Variants in POU6F2 observed in about 807,000 individuals in gnomAD.
The protein encoded by POU6F2 is POU class 6 homeobox 2.
In POU6F2, 31 loss-of-function variants were observed where a neutral mutation model predicts 71.3. The ratio of observed to expected loss-of-function variants is 0.43; its 90% CI spans 0.33 to 0.59. The LOEUF (loss-of-function observed/expected upper bound fraction) is 0.59. POU6F2 is among the 20% of genes least tolerant of loss of function. The pLI, the probability that POU6F2 is intolerant of heterozygous loss-of-function variation, is 0.04. For synonymous variants in POU6F2, 347 were observed against 355.7 expected (o/e 0.98, Z 0.27); for missense variants, 783 against 856.8 (o/e 0.91, Z 1.07).
At chr7:39,124,087 C>T (rs1490547700) in intron 2 of POU6F2, among the ~76,000 whole-genome samples, 1 of 140,878 alleles carries the variant, frequency 7.1e-6, no homozygotes, top group Admixed American at 7.5e-5. Flanking sequence ...TGCTCTGTCA[C>T]CCCGGCTGGA....
chr7:39,430,118 T>C (rs1389273333), intron 6 of POU6F2, among the ~76,000 whole-genome samples: 1 of 152,208 alleles, frequency 6.6e-6, no homozygotes, highest in Non-Finnish European at 1.5e-5. Flanking sequence ...ACACAATGTG[T>C]GACCATCTTT....
intron 2 of POU6F2, among the ~76,000 whole-genome samples, chr7:39,147,925 A>T (rs1792655248): frequency 6.6e-6 from 1 of 152,174 alleles, no homozygotes; most frequent in Non-Finnish European, 1.5e-5. Flanking sequence ...ATACACACTC[A>T]TGCACACTCT....
chr7:39,152,040 A>ATTGT (rs1375008493), intron 2 of POU6F2, among the ~76,000 whole-genome samples: 2 of 152,212 alleles, frequency 1.3e-5, no homozygotes, highest in African/African-American at 4.8e-5. Flanking sequence ...GGCCAAGGAC[A>ATTGT]TTGTCCACAC....
intron 1 of POU6F2, among the ~76,000 whole-genome samples, chr7:39,044,749 T>C (rs1790254996): frequency 6.6e-6 from 1 of 151,860 alleles, no homozygotes; most frequent in Non-Finnish European, 1.5e-5. Flanking sequence ...AATATGAGCA[T>C]TTTTTTGCAG....
chr7:39,275,749 A>G (rs920399223), intron 4 of POU6F2, among the ~76,000 whole-genome samples: 2 of 150,248 alleles, frequency 1.3e-5, no homozygotes, highest in Admixed American at 6.7e-5. Context: ...ATAACGCCGC[A>G]TATCTACAAC....
chr7:39,151,343 G>A (rs1348408756), intron 2 of POU6F2, among the ~76,000 whole-genome samples: 1 of 152,166 alleles, frequency 6.6e-6, no homozygotes, highest in Non-Finnish European at 1.5e-5. Context: ...AGTAGTTTTA[G>A]AGGTCAGCAT....
chr7:39,012,975 CTT>C (rs1194132583), intron 1 of POU6F2: 1 of 152,296 alleles, frequency 6.6e-6, no homozygotes, highest in Non-Finnish European at 1.5e-5. Context: ...CTACTGCTGT[CTT>C]TTTGTTTGTC....
chr7:39,082,794 GCACACACACA>G lies in POU6F2; in HGVS notation c.106-3033_106-3024del, dbSNP rs35710081. ...GGGGTTTGCTGTTTAACCATGTCAT[GCACACACACA>G]CACACACACACACACACACACACAC... On this transcript the variant is annotated intron_variant, in intron 1 of 9. Transcript: ENST00000518318. Among the ~76,000 whole-genome samples, 402 of 137,168 alleles carry G rather than the reference GCACACACACA, an allele frequency of 2.9e-3. 8 individuals carry two copies. The highest frequency in any genetic ancestry group is 0.011 in the Admixed American group (151 of 13,544). 90.0% of individuals were successfully genotyped at this position (137,168 alleles called of 152,430 possible). A position where few individuals can be genotyped will look rare whatever the true frequency, so the allele number is the denominator to read the frequency against.
At chr7:39,385,366 G>C (rs1786915267) in intron 5 of POU6F2, among the ~76,000 whole-genome samples, 3 of 152,226 alleles carry the variant, frequency 2.0e-5, no homozygotes, top group African/African-American at 7.2e-5. Context: ...CAGGGGCAGA[G>C]GGAGGAAGTA....
chr7:39,120,402 CTCTT>C (rs1195578541), intron 2 of POU6F2, among the ~76,000 whole-genome samples: 3 of 152,172 alleles, frequency 2.0e-5, no homozygotes, highest in Admixed American at 6.5e-5. Flanking sequence ...TATTACCTCT[CTCTT>C]TCATGAAAAG....
intron 2 of POU6F2, among the ~76,000 whole-genome samples, chr7:39,203,776 A>G (rs1024321584): frequency 2.0e-5 from 3 of 152,180 alleles, no homozygotes; most frequent in Admixed American, 6.5e-5. Flanking sequence ...AAGCGATGTC[A>G]TAAGATTCAG....
intron 2 of POU6F2, among the ~76,000 whole-genome samples, chr7:39,096,737 T>C (rs760003593): frequency 6.5e-5 from 9 of 139,254 alleles, no homozygotes; most frequent in Admixed American, 2.9e-4. Context: ...TAATACACTT[T>C]TGCAGCCTAG....
At chr7:39,129,199 G>A (rs1263687494) in intron 2 of POU6F2, among the ~76,000 whole-genome samples, 1 of 152,074 alleles carries the variant, frequency 6.6e-6, no homozygotes, top group Non-Finnish European at 1.5e-5. Context: ...GCTTTCTTAG[G>A]AGAATGGCTT....
At chr7:39,051,789 A>G (rs755690202) in intron 1 of POU6F2, among the ~76,000 whole-genome samples, 29 of 152,118 alleles carry the variant, frequency 1.9e-4, no homozygotes, top group Non-Finnish European at 4.1e-4. Flanking sequence ...CAGGAAGTTT[A>G]TGAAAAAGTG....
intron 6 of POU6F2, among the ~76,000 whole-genome samples, chr7:39,423,856 G>T (rs983630182): frequency 2.6e-5 from 4 of 152,156 alleles, no homozygotes; most frequent in African/African-American, 7.2e-5. Context: ...GAACTACTTT[G>T]TATCCCTAAG....
intron 2 of POU6F2, among the ~76,000 whole-genome samples, chr7:39,122,704 ATTTTTTTT>A (rs1199309217): frequency 8.5e-6 from 1 of 117,148 alleles, no homozygotes; most frequent in Non-Finnish European, 1.8e-5. Context: ...ATGCATGCCT[ATTTTTTTT>A]TTTTTTTTTT....
intron 4 of POU6F2, among the ~76,000 whole-genome samples, chr7:39,241,755 C>T (rs1317540943): frequency 1.3e-5 from 2 of 151,998 alleles, no homozygotes; most frequent in African/African-American, 4.8e-5. Context: ...ATGTGTTGAG[C>T]TATACTTTAC....
chr7:39,397,911 C>T (rs1209061818), intron 5 of POU6F2, among the ~76,000 whole-genome samples: 3 of 150,632 alleles, frequency 2.0e-5, no homozygotes, highest in Non-Finnish European at 2.9e-5. Context: ...CTCCGCCTCC[C>T]GGGTTCAAGC....
chr7:39,221,384 C>CTTTTTTTT (rs33915153), intron 4 of POU6F2, among the ~76,000 whole-genome samples: 23 of 86,344 alleles, frequency 2.7e-4, no homozygotes, highest in East Asian at 8.1e-4. Flanking sequence ...CTCTCTCTCT[C>CTTTTTTTT]TTTTTTTTTT....
Sources: gnomAD v4.1 joint callset for allele counts (sites outside exome capture counted in the v4.1 genomes callset) on GRCh38, gnomAD v4.1.1 for gene constraint, MANE v1.5 for transcripts, NCBI Gene and HGNC (gene_info 2026-07-23, HGNC 2026-07-21) for gene names.